The following INTS4 variants were observed in gnomAD, a reference collection of about 807,000 sequenced individuals.
INTS4 encodes integrator complex subunit 4, also known as MSTP093.
INTS4 carries 70 observed loss-of-function variants against 119.5 expected under a neutral mutation model. The ratio of observed to expected loss-of-function variants is 0.59; its 90% CI spans 0.48 to 0.71. INTS4 has a LOEUF of 0.71. Ranked by LOEUF, INTS4 falls within the 30% of genes least tolerant of loss-of-function variation. The pLI is 0.00. For synonymous variants in INTS4, 316 were observed against 419.6 expected (o/e 0.75, Z 3.02); for missense variants, 867 against 1,173.2 (o/e 0.74, Z 3.81).
At chr11:77,929,883 T>C (rs977361163) in intron 10 of INTS4, among the ~76,000 whole-genome samples, 4 of 152,162 alleles carry the variant, frequency 2.6e-5, no homozygotes, top group African/African-American at 9.7e-5. Flanking sequence ...CTGCCTGGCA[T>C]ATTTTAAGGG....
At chr11:77,908,261 G>A (rs1953008951) in intron 15 of INTS4, among the ~76,000 whole-genome samples, 1 of 151,340 alleles carries the variant, frequency 6.6e-6, no homozygotes, top group African/African-American at 2.4e-5. Context: ...TAAGTTCTGG[G>A]GTACATGTGC....
chr11:77,971,935 T>G (rs1855752006), intron 4 of INTS4, among the ~76,000 whole-genome samples: 1 of 152,218 alleles, frequency 6.6e-6, no homozygotes. Context: ...TTGAGTTAAT[T>G]TTTGCATGGT....
intron 13 of INTS4, among the ~76,000 whole-genome samples, 162 bp downstream of exon 13, chr11:77,922,194 C>T (rs1212524423): frequency 6.8e-6 from 1 of 147,748 alleles, no homozygotes; most frequent in African/African-American, 2.5e-5. Flanking sequence ...GGCCACTGCA[C>T]TCCAGCCTGG....
chr11:77,977,971 C>T (rs1420914678), intron 4 of INTS4: 1 of 151,958 alleles, frequency 6.6e-6, no homozygotes, highest in Non-Finnish European at 1.5e-5. Context: ...CTCACATAAC[C>T]TCCGTCTTGC....
At chr11:77,900,647 T>C (rs1952751046) in intron 18 of INTS4, 3 of 698,534 alleles carry the variant, frequency 4.3e-6, no homozygotes, top group Non-Finnish European at 7.8e-6. Context: ...AAATCTATGA[T>C]GCCATCATTC....
chr11:77,972,783 T>A (rs941360648), intron 4 of INTS4, among the ~76,000 whole-genome samples: 1 of 151,922 alleles, frequency 6.6e-6, no homozygotes, highest in African/African-American at 2.4e-5. Flanking sequence ...TATCTGGATA[T>A]TACTGGTGCT....
chr11:77,950,632 T>C (rs1358930222), intron 8 of INTS4, among the ~76,000 whole-genome samples: 1 of 152,186 alleles, frequency 6.6e-6, no homozygotes, highest in Non-Finnish European at 1.5e-5. Context: ...AGGTGATAAC[T>C]ATACTAACTA....
At chr11:77,914,535 A>G (rs1431891588) in intron 15 of INTS4, among the ~76,000 whole-genome samples, 1 of 152,188 alleles carries the variant, frequency 6.6e-6, no homozygotes, top group East Asian at 1.9e-4. Flanking sequence ...AAGGACTGGA[A>G]TCTCCGCTTA....
In INTS4 at chr11:77,919,106, T is replaced by C; in HGVS notation, c.1765-128A>G. ...ACAAAGGGGAAAAAAGGCTAGGATA[T>C]TCTATAAATAACATTTCTCCCCTTC... On this transcript the variant is annotated intron_variant, in intron 14 of 22. Transcript: ENST00000534064. The C allele has an allele frequency of 4.1e-6, 4 of 966,588 alleles. No homozygotes were observed. The East Asian group carries it at 7.3e-5, about 18-fold the overall frequency. The allele number at this position is 966,588 out of a possible 1,614,324, so 59.9% of individuals were successfully genotyped here. A position where few individuals can be genotyped will look rare whatever the true frequency, so the allele number is the denominator to read the frequency against.
intron 4 of INTS4, among the ~76,000 whole-genome samples, chr11:77,962,762 T>C (rs1855291466): frequency 6.6e-6 from 1 of 151,964 alleles, no homozygotes; most frequent in South Asian, 2.1e-4. Context: ...TACCCACTAA[T>C]GGATAATGAT....
intron 4 of INTS4, among the ~76,000 whole-genome samples, chr11:77,968,436 C>T (rs944654949): frequency 2.0e-5 from 3 of 152,220 alleles, no homozygotes; most frequent in African/African-American, 7.2e-5. Context: ...GAAGTCCCTA[C>T]AGTAGTCAAA....
intron 4 of INTS4, among the ~76,000 whole-genome samples, chr11:77,971,925 T>C (rs1855751882): frequency 1.3e-5 from 2 of 152,226 alleles, no homozygotes; most frequent in African/African-American, 2.4e-5. Context: ...TTGACTCATT[T>C]TGAGTTAATT....
intron 8 of INTS4, among the ~76,000 whole-genome samples, chr11:77,951,785 C>G (rs969097740): frequency 6.6e-6 from 1 of 152,010 alleles, no homozygotes; most frequent in African/African-American, 2.4e-5. Context: ...GCTAATATCC[C>G]GAATCTACAA....
intron 4 of INTS4, 51 bp downstream of exon 4, chr11:77,978,945 A>C: frequency 8.9e-7 from 1 of 1,126,032 alleles, no homozygotes; most frequent in Non-Finnish European, 1.4e-6. Flanking sequence ...GGTCCTTAGC[A>C]GTCCTCAGTT....
rs376632877 is a variant in INTS4 at position 77,928,328 on chromosome 11, T to A, written c.1371+14A>T. The A allele has an allele frequency of 3.0e-5, 49 of 1,612,510 alleles. No homozygotes were observed. In the African/African-American group the frequency reaches 6.3e-4, roughly 21 times the overall value. On this transcript the variant is annotated intron_variant, in intron 11 of 22. Transcript: ENST00000534064. Reference sequence around the variant, plus strand: ...GAGGGATGAAGAAATGAGTAACAAATTAGAAACACTCACCTCTAGCACAGC... The same window carrying A: ...GAGGGATGAAGAAATGAGTAACAAAATAGAAACACTCACCTCTAGCACAGC...
At chr11:77,903,364 T>G (rs1401218530) in intron 17 of INTS4, among the ~76,000 whole-genome samples, 176 bp downstream of exon 17, 1 of 152,240 alleles carries the variant, frequency 6.6e-6, no homozygotes, top group Admixed American at 6.5e-5. Context: ...AGCTTACCTG[T>G]GTTGCTGCTG....
chr11:77,886,502 T>A (rs1477462633), intron 21 of INTS4, among the ~76,000 whole-genome samples: 2 of 152,212 alleles, frequency 1.3e-5, no homozygotes, highest in African/African-American at 4.8e-5. Context: ...GTGAAGAAAT[T>A]CAATGAAGCA....
At chr11:77,890,354 C>T (rs1463099366) in intron 21 of INTS4, among the ~76,000 whole-genome samples, 1 of 152,102 alleles carries the variant, frequency 6.6e-6, no homozygotes, top group Non-Finnish European at 1.5e-5. Context: ...TCTGCCTGTT[C>T]CAGCCTATTT....
chr11:77,957,814 G>A (rs12786855), intron 7 of INTS4, among the ~76,000 whole-genome samples: 19,846 of 151,206 alleles, frequency 0.13, 1,758 homozygotes, highest in Non-Finnish European at 0.19. Flanking sequence ...GATTACAGGC[G>A]TGTGCCACCA....
Sources: allele counts gnomAD v4.1 joint callset (sites outside exome capture counted in the v4.1 genomes callset), GRCh38; gene constraint gnomAD v4.1.1; transcripts MANE v1.5; gene names NCBI Gene and HGNC (gene_info 2026-07-23, HGNC 2026-07-21).